The following DGCR8 variants were observed in gnomAD, a reference collection of about 807,000 sequenced individuals.
DGCR8 encodes DGCR8 microprocessor complex subunit.
DGCR8 carries 14 observed loss-of-function variants against 78.5 expected under a neutral mutation model. That is an observed-to-expected ratio of 0.18 (90% CI 0.12 to 0.28). The LOEUF (loss-of-function observed/expected upper bound fraction) is 0.28. DGCR8 is among the 10% of genes least tolerant of loss of function. DGCR8 has a pLI of 1.00. For synonymous variants in DGCR8, 399 were observed against 402.4 expected (o/e 0.99, Z 0.10); for missense variants, 702 against 1,022.5 (o/e 0.69, Z 4.28).
chr22:20,104,661 G>A (rs1200769677), intron 9 of DGCR8, among the ~76,000 whole-genome samples: 2 of 152,228 alleles, frequency 1.3e-5, no homozygotes, highest in East Asian at 1.9e-4. Context: ...GTCTTGGTGA[G>A]TGACCTTCCC....
chr22:20,086,487 G>T lies in DGCR8; in HGVS notation c.524G>T (p.Gly175Val), dbSNP rs775847917. ...AGTGTTGGTGACGGGGTAGGCATAG[G>T]GGGTGAGAGTGCTGATAAGAAGGAT... ...GGSVGDGVGI[G>V]GESADKKDEE... Residue 175 changes from glycine (G) to valine (V), a missense_variant, in exon 2 of 14, where the codon GGG becomes GTG. By Grantham distance (109) the Gly-to-Val change is moderately radical. Coordinates refer to ENST00000351989, the MANE Select transcript of DGCR8 (RefSeq NM_022720.7). This position sits in a 1 kb window ranked among gnomAD's most constrained non-coding sequence, Gnocchi z 6.4. The T allele has an allele frequency of 1.9e-6, 3 of 1,613,920 alleles. No individual in the cohort carries two copies. The highest frequency in any genetic ancestry group is 2.5e-6 in the Non-Finnish European group (3 of 1,180,026).
At chr22:20,101,213 A>G (rs748623611) in intron 9 of DGCR8, 81 of 985,264 alleles carry the variant, frequency 8.2e-5, no homozygotes, top group Non-Finnish European at 9.6e-5. Flanking sequence ...TTATGATGCC[A>G]TGCCTTGGTT....
chr22:20,082,202 G>A (rs11704078), intron 1 of DGCR8, among the ~76,000 whole-genome samples: 18,700 of 151,734 alleles, frequency 0.12, 1,529 homozygotes, highest in Non-Finnish European at 0.19. Flanking sequence ...GACTGCAGGC[G>A]TCCACCACCA....
At position 20,089,655 on chromosome 22, in the gene DGCR8, G is replaced by A; in HGVS notation, c.881-14G>A. ...TTTACAGTGATTATAGGATGTTCTT[G>A]TCTTCCTGTGCAGGTCGTGGCCGCC... is the stretch of plus-strand genomic sequence containing the variant. On this transcript the variant is annotated splice_polypyrimidine_tract_variant and intron_variant, in intron 3 of 13. Coordinates refer to ENST00000351989, the MANE Select transcript of DGCR8 (RefSeq NM_022720.7). This position sits in a 1 kb window ranked among gnomAD's most constrained non-coding sequence, Gnocchi z 4.9. The A allele has an allele frequency of 1.2e-6, 2 of 1,613,272 alleles. No homozygotes were observed. The highest frequency in any genetic ancestry group is 1.7e-6 in the Non-Finnish European group (2 of 1,179,712).
chr22:20,093,249 C>T (rs1013261962), intron 8 of DGCR8, among the ~76,000 whole-genome samples: 1 of 151,928 alleles, frequency 6.6e-6, no homozygotes, highest in African/African-American at 2.4e-5. Flanking sequence ...ACTAAAAATA[C>T]AAAAAATTAG....
chr22:20,111,504 A>G lies in DGCR8; in HGVS notation c.*1396A>G. 1 of 398,230 alleles carries G rather than the reference A, an allele frequency of 2.5e-6. No homozygotes were observed. 24.7% of individuals were successfully genotyped at this position (398,230 alleles called of 1,614,324 possible). ...ACCCTCAACTCAAATTGCTATAATT[A>G]GACACTTGCTTCTGTCTTGCCTCCT... On this transcript the variant is annotated 3_prime_UTR_variant, in exon 14 of 14. Transcript: ENST00000351989.
At chr22:20,105,476 C>T (rs1243238664) in intron 9 of DGCR8, among the ~76,000 whole-genome samples, 2 of 152,178 alleles carry the variant, frequency 1.3e-5, no homozygotes, top group Non-Finnish European at 2.9e-5. Flanking sequence ...CTCTCAGCTT[C>T]AGCCAAAGTC....
intron 9 of DGCR8, among the ~76,000 whole-genome samples, chr22:20,105,931 A>T (rs373850371): frequency 6.6e-6 from 1 of 151,888 alleles, no homozygotes; most frequent in African/African-American, 2.4e-5. Flanking sequence ...CCCTCTTAGG[A>T]TACCAGACTC....
In DGCR8 at chr22:20,099,008, T is replaced by G. The variant is rs539953264; in HGVS notation, c.1788+4213T>G. Among the ~76,000 whole-genome samples, 7 of 152,350 alleles carry G rather than the reference T, an allele frequency of 4.6e-5. No individual in the cohort carries two copies. In the South Asian group the frequency reaches 1.5e-3, roughly 32 times the overall value. ...TTGTGGCCACTGAATACACGGGCCC[T>G]TTAGCTGAGTGGTCTCCTGATGCTT... On this transcript the variant is annotated intron_variant, in intron 9 of 13. Transcript: ENST00000351989.
chr22:20,100,827 G>A, intron 9 of DGCR8: 1 of 985,262 alleles, frequency 1.0e-6, no homozygotes, highest in Non-Finnish European at 1.2e-6. Context: ...CTCCCACACT[G>A]CAGCCTGTCT....
chr22:20,093,376 G>T (rs2049589353), intron 8 of DGCR8, among the ~76,000 whole-genome samples: 1 of 151,874 alleles, frequency 6.6e-6, no homozygotes, highest in African/African-American at 2.4e-5. Context: ...CTGCACTCCA[G>T]CCTGGGCGAC....
intron 9 of DGCR8, chr22:20,102,086 T>C: frequency 2.0e-6 from 2 of 983,164 alleles, no homozygotes; most frequent in Non-Finnish European, 2.4e-6. Context: ...TTTTCTTTTT[T>C]TTTTTTCATC....
intron 8 of DGCR8, among the ~76,000 whole-genome samples, chr22:20,094,335 CACCTGGTCTAGGT>C (rs1249714425): frequency 6.6e-6 from 1 of 152,234 alleles, no homozygotes; most frequent in East Asian, 1.9e-4. Context: ...CTGCTGCTGC[CACCTGGTCTAGGT>C]ACCTGCAGTA....
intron 9 of DGCR8, among the ~76,000 whole-genome samples, chr22:20,100,999 T>G (rs755567586): frequency 2.0e-5 from 3 of 152,212 alleles, no homozygotes; most frequent in African/African-American, 7.2e-5. Context: ...ATTTTACTTA[T>G]GAAACTTATT....
intron 6 of DGCR8, 105 bp from the exon 7 acceptor site, chr22:20,091,764 C>G (rs1352481956): frequency 1.3e-6 from 2 of 1,483,324 alleles, no homozygotes; most frequent in Non-Finnish European, 1.9e-6. Flanking sequence ...AGGGGTCTGC[C>G]ACATTCACGG....
In DGCR8 at chr22:20,106,287, G is replaced by T. The variant is rs569005736; in HGVS notation, c.1889+10G>T. ...ACGAGTGCCTTAAAAGGTAGGGTAG[G>T]GGGGTGCCTCCCCCCATGAGTCAGG... is the stretch of plus-strand genomic sequence containing the variant. On this transcript the variant is annotated intron_variant, in intron 10 of 13. Transcript: ENST00000351989. 3.1e-6 allele frequency: 5 copies of T among 1,608,398 alleles called. No homozygotes were observed. The highest frequency in any genetic ancestry group is 4.3e-6 in the Non-Finnish European group (5 of 1,176,204).
Position 20,111,647 on chromosome 22 carries a change from T to C in DGCR8, c.*1539T>C. On this transcript the variant is annotated 3_prime_UTR_variant, in exon 14 of 14. Coordinates refer to ENST00000351989, the MANE Select transcript of DGCR8 (RefSeq NM_022720.7). ...CTAAAGGTTGGGGAGCCTCGCTGTG[T>C]CTTGCTGTTCCCAGGCACCACCACA... 2.9e-6 allele frequency: 1 copy of C among 349,402 alleles called. No individual in the cohort carries two copies. Among genetic ancestry groups the C allele is most frequent in the Non-Finnish European group, 5.1e-6 (1 of 195,012 alleles). The allele number at this position is 349,402 out of a possible 1,614,324, so 21.6% of individuals were successfully genotyped here.
intron 8 of DGCR8, 30 bp from the exon 9 acceptor site, chr22:20,094,683 G>C (rs2049606670): frequency 1.2e-6 from 2 of 1,602,772 alleles, no homozygotes; most frequent in Non-Finnish European, 1.7e-6. Context: ...CAGTGCCCAA[G>C]CCTCACCCTC....
At position 20,083,366 on chromosome 22, in the gene DGCR8, G is replaced by GGT. The variant is rs142817386; in HGVS notation, c.-277-2307_-277-2306dup. On this transcript the variant is annotated intron_variant, in intron 1 of 13. Coordinates refer to ENST00000351989, the MANE Select transcript of DGCR8 (RefSeq NM_022720.7). ...ACCTTGTGTCTGTAGCATCTAGGAT[G>GGT]GTGTGTGTGTGTGTGATGAATGGAG... Among the ~76,000 whole-genome samples the GGT allele has an allele frequency of 1.0e-3, 157 of 149,542 alleles. 1 individual carries two copies. Among genetic ancestry groups the GGT allele is most frequent in the African/African-American group, 3.2e-3 (129 of 40,766 alleles).
Sources: gnomAD v4.1 joint callset for allele counts (sites outside exome capture counted in the v4.1 genomes callset) on GRCh38, gnomAD v4.1.1 for gene constraint, Gnocchi (gnomAD v3.1) non-coding constraint, MANE v1.5 for transcripts, NCBI Gene and HGNC (gene_info 2026-07-23, HGNC 2026-07-21) for gene names.